The following MACROD2 variants were observed in gnomAD, a reference collection of about 807,000 sequenced individuals.
MACROD2 encodes the protein ADP-ribose glycohydrolase MACROD2.
MACROD2 carries 36 observed loss-of-function variants against 70.4 expected under a neutral mutation model. That is an observed-to-expected ratio of 0.51 (90% CI 0.39 to 0.68). MACROD2 has a LOEUF of 0.68. Among genes scored for constraint, MACROD2 ranks in the 30% least tolerant of loss-of-function variants. The pLI is 0.00. For synonymous variants in MACROD2, 172 were observed against 178.8 expected (o/e 0.96, Z 0.30); for missense variants, 496 against 538.4 (o/e 0.92, Z 0.78).
intron 3 of MACROD2, among the ~76,000 whole-genome samples, chr20:14,399,770 C>T (rs2122831863): frequency 6.6e-6 from 1 of 152,182 alleles, no homozygotes; most frequent in Non-Finnish European, 1.5e-5. Context: ...AATTCTTTTC[C>T]ATCCTCTTCT....
At chr20:15,769,976 G>C (rs1026570279) in intron 8 of MACROD2, among the ~76,000 whole-genome samples, 2 of 151,718 alleles carry the variant, frequency 1.3e-5, no homozygotes, top group African/African-American at 4.9e-5. Flanking sequence ...ACACATGCAT[G>C]TGTGTGAGTG....
chr20:14,255,690 TA>T (rs1483329896), intron 3 of MACROD2, among the ~76,000 whole-genome samples: 8 of 69,552 alleles, frequency 1.2e-4, no homozygotes, highest in African/African-American at 2.3e-4. Context: ...GTATAATAAA[TA>T]AATAAATAAA....
At chr20:15,583,690 T>A (rs2048558383) in intron 8 of MACROD2, among the ~76,000 whole-genome samples, 1 of 152,144 alleles carries the variant, frequency 6.6e-6, no homozygotes, top group African/African-American at 2.4e-5. Context: ...GTCACCCAGG[T>A]TGGAGTGCAG....
chr20:15,695,347 G>A (rs112698096), intron 8 of MACROD2, among the ~76,000 whole-genome samples: 8,082 of 151,900 alleles, frequency 0.053, 269 homozygotes, highest in African/African-American at 0.094. Flanking sequence ...ACCCATCCAC[G>A]AGCATGGGAT....
chr20:14,131,125 C>G (rs200084568), intron 3 of MACROD2, among the ~76,000 whole-genome samples: 14 of 151,824 alleles, frequency 9.2e-5, no homozygotes, highest in Admixed American at 9.2e-4. Flanking sequence ...ACAGAGTTGC[C>G]TGGGCTATGT....
intron 5 of MACROD2, among the ~76,000 whole-genome samples, chr20:14,984,808 G>A (rs995457483): frequency 6.6e-6 from 1 of 152,112 alleles, no homozygotes; most frequent in Non-Finnish European, 1.5e-5. Flanking sequence ...CTCGTCTGAG[G>A]AACAAATAGA....
chr20:15,673,521 T>C (rs1238726028), intron 8 of MACROD2, among the ~76,000 whole-genome samples: 1 of 152,126 alleles, frequency 6.6e-6, no homozygotes, highest in East Asian at 1.9e-4. Context: ...CCCAAGAATC[T>C]CTATTAAAAA....
chr20:15,555,392 C>T (rs762786767), intron 8 of MACROD2, among the ~76,000 whole-genome samples: 6 of 152,074 alleles, frequency 3.9e-5, no homozygotes, highest in African/African-American at 9.7e-5. Flanking sequence ...AACTAGTTTA[C>T]GGTTTTATCA....
At chr20:14,152,155 A>G (rs2055033513) in intron 3 of MACROD2, among the ~76,000 whole-genome samples, 1 of 152,084 alleles carries the variant, frequency 6.6e-6, no homozygotes, top group Non-Finnish European at 1.5e-5. Flanking sequence ...TTTTTAAGTC[A>G]TTAATTAACT....
In MACROD2 at chr20:14,431,346, A is replaced by G. The variant is rs576664545; in HGVS notation, c.272-62133A>G. ...ACTCTCTGATGTCACACTGTTAACT[A>G]TTGTGCTGTAGGGTGGGATGGAGCT... On this transcript the variant is annotated intron_variant, in intron 3 of 17. Transcript: ENST00000684519. Among the ~76,000 whole-genome samples the G allele has an allele frequency of 4.6e-5, 7 of 152,216 alleles. No homozygotes were observed. The South Asian group carries it at 1.4e-3, about 32-fold the overall frequency.
rs78572678 is a variant in MACROD2 at position 14,394,637 on chromosome 20, C to T, written c.272-98842C>T. Among the ~76,000 whole-genome samples, 966 of 152,248 alleles carry T rather than the reference C, an allele frequency of 6.3e-3. 14 individuals are homozygous for T. Among genetic ancestry groups the T allele is most frequent in the African/African-American group, 0.023 (943 of 41,528 alleles). On this transcript the variant is annotated intron_variant, in intron 3 of 17. Coordinates refer to ENST00000684519, the MANE Select transcript of MACROD2 (RefSeq NM_001351661.2). ...GAGCTCCCCATACAATGCTGAATAGCAGCGGTGTGAGGAGACATCCTTGCC... is the reference window on the plus strand; with the variant it reads ...GAGCTCCCCATACAATGCTGAATAGTAGCGGTGTGAGGAGACATCCTTGCC...
intron 5 of MACROD2, among the ~76,000 whole-genome samples, chr20:14,690,149 A>G (rs2071046775): frequency 6.6e-6 from 1 of 152,100 alleles, no homozygotes; most frequent in South Asian, 2.1e-4. Context: ...TCACATGTCT[A>G]TTTTATTTCT....
At chr20:15,890,894 C>A (rs1293651678) in intron 10 of MACROD2, among the ~76,000 whole-genome samples, 1 of 151,910 alleles carries the variant, frequency 6.6e-6, no homozygotes, top group Non-Finnish European at 1.5e-5. Flanking sequence ...AAAGAAAGGG[C>A]TGGGGAAGTG....
chr20:14,773,801 A>G lies in MACROD2; in HGVS notation c.418+88842A>G, dbSNP rs566123719. Among the ~76,000 whole-genome samples, 4 of 152,144 alleles carry G rather than the reference A, an allele frequency of 2.6e-5. No individual in the cohort carries two copies. In the East Asian group the frequency reaches 7.7e-4, roughly 29 times the overall value. On this transcript the variant is annotated intron_variant, in intron 5 of 17. Coordinates refer to ENST00000684519, the MANE Select transcript of MACROD2 (RefSeq NM_001351661.2). Reference sequence around the variant, plus strand: ...GCCATAATAAAGTACCACAAACTGAATGGCTTAAAGAACAGAAAATCATTC... The same window carrying G: ...GCCATAATAAAGTACCACAAACTGAGTGGCTTAAAGAACAGAAAATCATTC...
intron 5 of MACROD2, among the ~76,000 whole-genome samples, chr20:15,201,338 A>G (rs898170735): frequency 6.6e-6 from 1 of 152,184 alleles, no homozygotes; most frequent in Admixed American, 6.5e-5. Context: ...AATTTGACAC[A>G]TAAGTTTTAA....
In MACROD2 at chr20:15,096,775, G is replaced by A. The variant is rs985912338; in HGVS notation, c.419-133165G>A. On this transcript the variant is annotated intron_variant, in intron 5 of 17. Coordinates refer to ENST00000684519, the MANE Select transcript of MACROD2 (RefSeq NM_001351661.2). The stretch of plus-strand genomic sequence containing the variant: ...AATCCGCCTGCCTCGGCCTCCCAAA[G>A]TGCTGGGATTATAGGCGTGAGCCAC... Among the ~76,000 whole-genome samples the A allele has an allele frequency of 4.7e-5, 7 of 147,680 alleles. No individual in the cohort carries two copies. The East Asian group carries it at 1.4e-3, about 30-fold the overall frequency.
At chr20:14,092,652 C>A (rs1301781910) in intron 3 of MACROD2, among the ~76,000 whole-genome samples, 1 of 152,106 alleles carries the variant, frequency 6.6e-6, no homozygotes, top group Non-Finnish European at 1.5e-5. Flanking sequence ...CTTGATTGGG[C>A]AAATTATTCA....
intron 3 of MACROD2, among the ~76,000 whole-genome samples, chr20:14,426,582 G>A (rs1289004195): frequency 1.3e-5 from 2 of 152,134 alleles, no homozygotes; most frequent in Admixed American, 6.6e-5. Context: ...CTCGATTGGA[G>A]TTTTTGTGCA....
intron 5 of MACROD2, among the ~76,000 whole-genome samples, chr20:14,771,718 A>G (rs930650866): frequency 2.7e-5 from 4 of 149,832 alleles, no homozygotes; most frequent in African/African-American, 9.9e-5. Context: ...TCCTATACAC[A>G]CACACGTTAT....
Sources: gnomAD v4.1 joint callset for allele counts (sites outside exome capture counted in the v4.1 genomes callset) on GRCh38, gnomAD v4.1.1 for gene constraint, MANE v1.5 for transcripts, NCBI Gene and HGNC (gene_info 2026-07-23, HGNC 2026-07-21) for gene names.